Variants in LRRC28 observed in about 807,000 individuals in gnomAD.
LRRC28 encodes leucine-rich repeat-containing protein 28.
In LRRC28, 39 loss-of-function variants were observed where a neutral mutation model predicts 45.7. That is an observed-to-expected ratio of 0.85 (90% confidence interval 0.66 to 1.12). LRRC28 has a LOEUF of 1.12. LRRC28 is among the 50% of genes most tolerant of loss of function. LRRC28 has a pLI of 0.00. For synonymous variants in LRRC28, 206 were observed against 178.8 expected (o/e 1.15, Z -1.22); for missense variants, 435 against 438.5 (o/e 0.99, Z 0.07).
intron 5 of LRRC28, chr15:99,297,181 C>CA (rs71149459): frequency 0.44 from 45,526 of 103,304 alleles, 9,088 homozygotes; most frequent in African/African-American, 0.55. Context: ...AACTCTGTCT[C>CA]AAAAAAAAAA....
At position 99,256,938 on chromosome 15, in the gene LRRC28, T is replaced by A. The variant is rs116076548; in HGVS notation, c.168+813T>A. ...TTTGAATCTTGTACTTGAATTCTAG[T>A]GCTTACTCATTTTAGATGATTTATG... On this transcript the variant is annotated intron_variant, in intron 2 of 9. Transcript: ENST00000301981. 3.7e-3 allele frequency among the ~76,000 whole-genome samples: 567 copies of A among 152,354 alleles called. 7 individuals are homozygous for A. Among genetic ancestry groups the A allele is most frequent in the African/African-American group, 0.013 (523 of 41,588 alleles).
rs1006305710 is a variant in LRRC28, at chr15:99,390,523, T to A, written c.*4421T>A. On this transcript the variant is annotated 3_prime_UTR_variant, in exon 10 of 10. Coordinates refer to ENST00000301981, the MANE Select transcript of LRRC28 (RefSeq NM_144598.5). ...TTGAGTCTAAATGATCCAAGATTTT[T>A]AAAATAGATACATAATGAAATCCAG... 3 of 152,244 alleles carry A rather than the reference T, an allele frequency of 2.0e-5. No homozygotes were observed. The highest frequency in any genetic ancestry group is 4.4e-5 in the Non-Finnish European group (3 of 68,040). 9.4% of individuals were successfully genotyped at this position (152,244 alleles called of 1,614,324 possible). A position where few individuals can be genotyped will look rare whatever the true frequency, so the allele number is the denominator to read the frequency against.
chr15:99,304,407 C>T (rs1050745386), intron 5 of LRRC28, among the ~76,000 whole-genome samples: 1 of 151,102 alleles, frequency 6.6e-6, no homozygotes, highest in African/African-American at 2.4e-5. Flanking sequence ...TCCGGCACTC[C>T]ATTCATTTAT....
chr15:99,264,290 T>C (rs768728204), intron 2 of LRRC28, among the ~76,000 whole-genome samples: 1 of 152,188 alleles, frequency 6.6e-6, no homozygotes, highest in Non-Finnish European at 1.5e-5. Flanking sequence ...TGCAGGCGAC[T>C]AGAAAGCTAA....
At chr15:99,302,245 T>G (rs1030844022) in intron 5 of LRRC28, among the ~76,000 whole-genome samples, 6 of 152,120 alleles carry the variant, frequency 3.9e-5, no homozygotes, top group Non-Finnish European at 8.8e-5. Context: ...GCCAGGATGG[T>G]CTCGATCTCC....
chr15:99,364,633 G>A (rs1245864004), intron 9 of LRRC28, among the ~76,000 whole-genome samples: 1 of 152,162 alleles, frequency 6.6e-6, no homozygotes, highest in Non-Finnish European at 1.5e-5. Flanking sequence ...GTGGTGAAGT[G>A]CACAGGCCCT....
chr15:99,287,923 T>G lies in LRRC28; in HGVS notation c.357T>G (p.Ala119=). 6.2e-7 allele frequency: 1 copy of G among 1,613,736 alleles called. No homozygotes were observed. The highest frequency in any genetic ancestry group is 8.5e-7 in the Non-Finnish European group (1 of 1,179,784). The change falls in exon 5 of 10, where the codon GCT becomes GCG. Residue 119 remains alanine, a synonymous_variant. Transcript: ENST00000301981. ...GAGCTTTACGTCATCTTCGATTAGCTAATAACCAACTGCAATTCCTACCTC... is the reference window on the plus strand; with the variant it reads ...GAGCTTTACGTCATCTTCGATTAGCGAATAACCAACTGCAATTCCTACCTC... The part of the protein sequence containing the change: ...RLRALRHLRL[A]NNQLQFLPPE...
intron 3 of LRRC28, among the ~76,000 whole-genome samples, chr15:99,279,828 G>T (rs1365400165): frequency 6.6e-6 from 1 of 152,152 alleles, no homozygotes; most frequent in East Asian, 1.9e-4. Flanking sequence ...TTATGGAAGA[G>T]AATTTTTGGA....
chr15:99,280,461 A>T (rs553877548), intron 3 of LRRC28, among the ~76,000 whole-genome samples: 9 of 148,744 alleles, frequency 6.1e-5, no homozygotes, highest in South Asian at 2.1e-4. Flanking sequence ...TATTTTTAAA[A>T]TTTTTTTCTG....
intron 7 of LRRC28, among the ~76,000 whole-genome samples, chr15:99,352,716 C>CA (rs1956924606): frequency 6.6e-6 from 1 of 152,112 alleles, no homozygotes. Flanking sequence ...TATTTCCCCC[C>CA]ACACACCCCA....
intron 5 of LRRC28, among the ~76,000 whole-genome samples, chr15:99,302,134 C>T (rs531381692): frequency 6.6e-6 from 1 of 151,510 alleles, no homozygotes; most frequent in Admixed American, 6.6e-5. Flanking sequence ...TCACACCATT[C>T]TCCTGCCTCA....
In LRRC28 at chr15:99,294,452, C is replaced by T. The variant is rs79770502; in HGVS notation, c.385+6501C>T. Among the ~76,000 whole-genome samples the T allele has an allele frequency of 7.5e-3, 1,144 of 152,234 alleles. 10 individuals are homozygous for T. Among genetic ancestry groups the T allele is most frequent in the African/African-American group, 0.027 (1,112 of 41,514 alleles). ...GCTCTCCAGTGTGTTAGTTTTTATG[C>T]TCCTCTGTCTTAATCCATTCAGGCT... is the stretch of plus-strand genomic sequence containing the variant. On this transcript the variant is annotated intron_variant, in intron 5 of 9. Transcript: ENST00000301981.
chr15:99,259,831 G>A, intron 2 of LRRC28: 2 of 858,400 alleles, frequency 2.3e-6, no homozygotes, highest in Non-Finnish European at 4.1e-6. Flanking sequence ...AGCATATGGA[G>A]ATAGAATAGA....
Position 99,312,270 on chromosome 15 carries a change from G to A in LRRC28, c.386-21653G>A, listed in dbSNP as rs150053300. ...CTAGGCTACAAACCTGTGCAGCATG[G>A]TACTATACTGAATACTATAGGCAAT... On this transcript the variant is annotated intron_variant, in intron 5 of 9. Transcript: ENST00000301981. 1.2e-3 allele frequency among the ~76,000 whole-genome samples: 189 copies of A among 152,268 alleles called. 2 individuals carry two copies. Among genetic ancestry groups the A allele is most frequent in the African/African-American group, 4.4e-3 (183 of 41,552 alleles).
At chr15:99,294,426 T>G (rs940090358) in intron 5 of LRRC28, among the ~76,000 whole-genome samples, 2 of 152,186 alleles carry the variant, frequency 1.3e-5, no homozygotes, top group Admixed American at 6.5e-5. Flanking sequence ...GTTTGTTTTA[T>G]GCTCTCCAGT....
At chr15:99,279,333 G>A (rs2081713438) in intron 3 of LRRC28, among the ~76,000 whole-genome samples, 1 of 152,150 alleles carries the variant, frequency 6.6e-6, no homozygotes, top group African/African-American at 2.4e-5. Flanking sequence ...TCCACATTTT[G>A]AAAGCTTTTC....
At chr15:99,291,969 A>G (rs1408224763) in intron 5 of LRRC28, among the ~76,000 whole-genome samples, 1 of 152,152 alleles carries the variant, frequency 6.6e-6, no homozygotes, top group Non-Finnish European at 1.5e-5. Context: ...GGCTATTCCA[A>G]ATCTTTTTGA....
At chr15:99,285,340 G>T in intron 3 of LRRC28, 1 of 741,852 alleles carries the variant, frequency 1.3e-6, no homozygotes, top group Non-Finnish European at 2.5e-6. Context: ...CAACTCTTCT[G>T]TCCACCTTGT....
chr15:99,291,994 C>A (rs759784016), intron 5 of LRRC28, among the ~76,000 whole-genome samples: 3 of 152,192 alleles, frequency 2.0e-5, no homozygotes, highest in Non-Finnish European at 2.9e-5. Context: ...TAGGAGATAT[C>A]TCCATGCTTT....
Sources: allele counts gnomAD v4.1 joint callset (sites outside exome capture counted in the v4.1 genomes callset), GRCh38; gene constraint gnomAD v4.1.1; transcripts MANE v1.5; gene names NCBI Gene and HGNC (gene_info 2026-07-23, HGNC 2026-07-21).